Variants in RPS6KC1 observed in about 807,000 individuals in gnomAD.
RPS6KC1 encodes ribosomal protein S6 kinase C1.
In RPS6KC1, 54 loss-of-function variants were observed where a neutral mutation model predicts 103.8. The ratio of observed to expected loss-of-function variants is 0.52; its 90% CI spans 0.42 to 0.65. The LOEUF is 0.65. Ranked by LOEUF, RPS6KC1 falls within the 30% of genes least tolerant of loss-of-function variation. The pLI is 0.00. For missense variants in RPS6KC1, 1,151 were observed against 1,253.8 expected (o/e 0.92, Z 1.24); for synonymous variants, 439 against 438.7 (o/e 1.00, Z -0.01).
the RPS6KC1 span, among the ~76,000 whole-genome samples, chr1:213,853,383 C>G: frequency 6.6e-6 from 1 of 152,208 alleles, no homozygotes; most frequent in African/African-American, 2.4e-5. Flanking sequence ...TCCTTAACCC[C>G]TTTGAGCCCC....
the RPS6KC1 span, among the ~76,000 whole-genome samples, chr1:213,394,598 C>T: frequency 2.0e-5 from 3 of 152,208 alleles, no homozygotes; most frequent in Non-Finnish European, 2.9e-5. Context: ...CCTCAGCTTC[C>T]TCCTCTATCC....
At chr1:213,168,930 T>C (rs1422290427) in intron 7 of RPS6KC1, among the ~76,000 whole-genome samples, 1 of 152,226 alleles carries the variant, frequency 6.6e-6, no homozygotes, top group African/African-American at 2.4e-5. Flanking sequence ...GGCTTGTTCA[T>C]ATCCAGCTCT....
At chr1:213,205,484 A>G (rs1399890858) in intron 8 of RPS6KC1, 2 of 396,966 alleles carry the variant, frequency 5.0e-6, no homozygotes, top group African/African-American at 4.5e-5. Flanking sequence ...CCTAAGGAAT[A>G]GTTACTTATA....
chr1:213,189,018 G>T (rs2092649074), intron 8 of RPS6KC1, among the ~76,000 whole-genome samples: 1 of 152,074 alleles, frequency 6.6e-6, no homozygotes, highest in South Asian at 2.1e-4. Flanking sequence ...CACACATAGA[G>T]AACAGCATAC....
At chr1:213,364,136 T>C in the RPS6KC1 span, among the ~76,000 whole-genome samples, 1 of 152,284 alleles carries the variant, frequency 6.6e-6, no homozygotes, top group South Asian at 2.1e-4. Flanking sequence ...CAAAAGTAAC[T>C]ACAGAAAATA....
chr1:213,761,523 T>C, the RPS6KC1 span, among the ~76,000 whole-genome samples: 2 of 152,244 alleles, frequency 1.3e-5, no homozygotes, highest in African/African-American at 4.8e-5. Flanking sequence ...TCCATCATAA[T>C]TGTCCTGTTG....
intron 6 of RPS6KC1, among the ~76,000 whole-genome samples, chr1:213,144,635 GGTT>G (rs1337821893): frequency 5.9e-5 from 9 of 151,946 alleles, no homozygotes; most frequent in Non-Finnish European, 1.2e-4. Context: ...ATCGTGACTT[GGTT>G]ATCAACCTTC....
chr1:213,763,567 G>C, the RPS6KC1 span, among the ~76,000 whole-genome samples: 1 of 152,198 alleles, frequency 6.6e-6, no homozygotes, highest in Non-Finnish European at 1.5e-5. Flanking sequence ...GCTGTAAAAA[G>C]GGGATGCTGA....
the RPS6KC1 span, among the ~76,000 whole-genome samples, chr1:213,407,101 C>T: frequency 6.6e-6 from 1 of 152,144 alleles, no homozygotes; most frequent in African/African-American, 2.4e-5. Flanking sequence ...TGACATCCTA[C>T]AGGTGGACTC....
chr1:213,585,751 A>G, the RPS6KC1 span, among the ~76,000 whole-genome samples: 1 of 152,130 alleles, frequency 6.6e-6, no homozygotes, highest in Non-Finnish European at 1.5e-5. Flanking sequence ...ACTGTCTGCC[A>G]TGGAGATGGC....
chr1:213,145,990 T>TTTC (rs2087741519), intron 6 of RPS6KC1, among the ~76,000 whole-genome samples: 1 of 146,632 alleles, frequency 6.8e-6, no homozygotes, highest in Non-Finnish European at 1.5e-5. Flanking sequence ...TTTTTTTTTT[T>TTTC]TTTTGGTATA....
At chr1:213,853,168 C>A in the RPS6KC1 span, among the ~76,000 whole-genome samples, 1 of 152,214 alleles carries the variant, frequency 6.6e-6, no homozygotes, top group South Asian at 2.1e-4. Context: ...GGAGCTCACA[C>A]CCCCGGCTTG....
the RPS6KC1 span, among the ~76,000 whole-genome samples, chr1:213,290,530 C>CTTCCACATTGATT: frequency 1.3e-5 from 2 of 152,244 alleles, no homozygotes; most frequent in African/African-American, 4.8e-5. Context: ...CTGCTTCTGA[C>CTTCCACATTGATT]TCCAGCCCTT....
the RPS6KC1 span, among the ~76,000 whole-genome samples, chr1:213,393,313 T>C: frequency 6.6e-6 from 1 of 152,346 alleles, no homozygotes; most frequent in South Asian, 2.1e-4. Context: ...AAACAGTTTC[T>C]TGGAGGTATT....
chr1:213,549,416 T>A, the RPS6KC1 span, among the ~76,000 whole-genome samples: 23 of 152,222 alleles, frequency 1.5e-4, no homozygotes, highest in East Asian at 3.5e-3. Context: ...ATCCTTTTGA[T>A]ATTGTTTACT....
At chr1:213,463,380 C>CT in the RPS6KC1 span, among the ~76,000 whole-genome samples, 2 of 152,114 alleles carry the variant, frequency 1.3e-5, no homozygotes, top group African/African-American at 4.8e-5. Flanking sequence ...GAGAACATTT[C>CT]TTTTTGCCTT....
intron 8 of RPS6KC1, among the ~76,000 whole-genome samples, chr1:213,188,903 A>G (rs1164580144): frequency 6.6e-6 from 1 of 151,886 alleles, no homozygotes. Context: ...TATAGGAACT[A>G]TAATAGCTAA....
chr1:213,713,802 C>G, the RPS6KC1 span, among the ~76,000 whole-genome samples: 1 of 152,198 alleles, frequency 6.6e-6, no homozygotes, highest in Non-Finnish European at 1.5e-5. Context: ...AACTGTTTAC[C>G]TTAGAACCCT....
the RPS6KC1 span, chr1:213,821,119 A>T: frequency 6.6e-6 from 1 of 152,332 alleles, no homozygotes; most frequent in African/African-American, 2.4e-5. Flanking sequence ...CGCTTTCTCA[A>T]GAACCCCATC....
Sources: gnomAD v4.1 joint callset for allele counts (sites outside exome capture counted in the v4.1 genomes callset) on GRCh38, gnomAD v4.1.1 for gene constraint, MANE v1.5 for transcripts, NCBI Gene and HGNC (gene_info 2026-07-23, HGNC 2026-07-21) for gene names.